The following GALNTL6 variants were observed in gnomAD, a reference collection of about 807,000 sequenced individuals.
GALNTL6 encodes polypeptide N-acetylgalactosaminyltransferase-like 6.
A neutral mutation model predicts 73.7 loss-of-function variants in GALNTL6; 46 were observed. The observed-to-expected ratio is 0.62, with a 90% confidence interval of 0.49 to 0.80. The LOEUF (loss-of-function observed/expected upper bound fraction) is 0.80, where lower values mean the gene tolerates loss of function less well. Ranked by LOEUF, GALNTL6 falls within the 30% of genes least tolerant of loss-of-function variation. The pLI, the probability that GALNTL6 is intolerant of heterozygous loss-of-function variation, is 0.00. For missense variants in GALNTL6, 604 were observed against 755.0 expected, an observed-to-expected ratio of 0.80 and a Z score of 2.34; for synonymous variants, 259 against 263.7, an observed-to-expected ratio of 0.98 and a Z score of 0.17.
intron 5 of GALNTL6, among the ~76,000 whole-genome samples, chr4:172,430,529 T>C (rs1486813314): frequency 6.6e-6 from 1 of 152,176 alleles, no homozygotes; most frequent in East Asian, 1.9e-4. Context: ...TTATAAGTTA[T>C]AATACATGAA....
chr4:172,773,543 A>C (rs1454043329), intron 5 of GALNTL6, among the ~76,000 whole-genome samples: 1 of 152,006 alleles, frequency 6.6e-6, no homozygotes, highest in Non-Finnish European at 1.5e-5. Flanking sequence ...TGGTACTGTG[A>C]CATTGTTTCT....
intron 4 of GALNTL6, among the ~76,000 whole-genome samples, chr4:172,333,545 G>T (rs1201866005): frequency 6.6e-6 from 1 of 152,112 alleles, no homozygotes; most frequent in Non-Finnish European, 1.5e-5. Flanking sequence ...TCTCCTGTTG[G>T]ATGAACAGTC....
At chr4:172,002,501 T>G (rs546411901) in intron 2 of GALNTL6, among the ~76,000 whole-genome samples, 1 of 152,278 alleles carries the variant, frequency 6.6e-6, no homozygotes, top group African/African-American at 2.4e-5. Flanking sequence ...CCACAAAGTC[T>G]ATGATATTTT....
At chr4:171,988,982 T>C (rs1273173728) in intron 2 of GALNTL6, among the ~76,000 whole-genome samples, 2 of 151,668 alleles carry the variant, frequency 1.3e-5, no homozygotes, top group Admixed American at 6.6e-5. Flanking sequence ...AAGCAGATAA[T>C]TTAGTTAAAG....
At chr4:172,321,247 G>A (rs1255590848) in intron 4 of GALNTL6, among the ~76,000 whole-genome samples, 1 of 152,106 alleles carries the variant, frequency 6.6e-6, no homozygotes, top group Non-Finnish European at 1.5e-5. Context: ...GTGGGGGTTG[G>A]GGGTTGGGGA....
At chr4:172,598,176 A>G (rs1737932450) in intron 5 of GALNTL6, among the ~76,000 whole-genome samples, 1 of 152,128 alleles carries the variant, frequency 6.6e-6, no homozygotes, top group South Asian at 2.1e-4. Flanking sequence ...TTTATTATAC[A>G]TAGGCCATCT....
At chr4:172,411,045 T>A (rs112039779) in intron 5 of GALNTL6, among the ~76,000 whole-genome samples, 34 of 152,206 alleles carry the variant, frequency 2.2e-4, no homozygotes, top group African/African-American at 3.9e-4. Flanking sequence ...GTAAAATAAT[T>A]TCTGATTAAA....
intron 5 of GALNTL6, among the ~76,000 whole-genome samples, chr4:172,607,247 A>G (rs1654534970): frequency 6.6e-6 from 1 of 152,136 alleles, no homozygotes; most frequent in African/African-American, 2.4e-5. Context: ...CACCCAGGTA[A>G]TAAGCACAGT....
At chr4:172,772,647 GT>G (rs1738840667) in intron 5 of GALNTL6, among the ~76,000 whole-genome samples, 1 of 151,882 alleles carries the variant, frequency 6.6e-6, no homozygotes, top group Non-Finnish European at 1.5e-5. Flanking sequence ...TCTCAAGATT[GT>G]TTTAACTGTT....
chr4:172,758,227 A>AT (rs1244405441), intron 5 of GALNTL6, among the ~76,000 whole-genome samples: 8 of 152,178 alleles, frequency 5.3e-5, no homozygotes, highest in African/African-American at 1.7e-4. Flanking sequence ...ATATTATACA[A>AT]TTTTTTGTAT....
intron 2 of GALNTL6, among the ~76,000 whole-genome samples, chr4:171,843,737 A>C (rs1735301336): frequency 6.6e-6 from 1 of 152,196 alleles, no homozygotes; most frequent in South Asian, 2.1e-4. Flanking sequence ...CTGCCAAAAA[A>C]AATTCCAAGC....
At chr4:172,156,543 A>ATATATATATATATATATATATATACATAC (rs1734279767) in intron 2 of GALNTL6, among the ~76,000 whole-genome samples, 2 of 19,344 alleles carry the variant, frequency 1.0e-4, no homozygotes, top group Admixed American at 9.6e-4. Context: ...TATATATAAT[A>ATATATATATATATATATATATATACATAC]TATATATATA....
chr4:172,385,773 T>C (rs1449764690), intron 5 of GALNTL6, among the ~76,000 whole-genome samples: 1 of 152,036 alleles, frequency 6.6e-6, no homozygotes, highest in African/African-American at 2.4e-5. Flanking sequence ...TAATTACTGG[T>C]AAGATAGAAT....
chr4:171,960,991 A>G (rs1579009342), intron 2 of GALNTL6, among the ~76,000 whole-genome samples: 1 of 151,436 alleles, frequency 6.6e-6, no homozygotes, highest in East Asian at 2.0e-4. Context: ...TACTCTGTGG[A>G]CTCTCCCCAG....
intron 5 of GALNTL6, among the ~76,000 whole-genome samples, chr4:172,350,105 A>T (rs1336554354): frequency 6.6e-6 from 1 of 152,148 alleles, no homozygotes; most frequent in East Asian, 1.9e-4. Context: ...TTGACTTCAA[A>T]AAGTGAAAAA....
intron 10 of GALNTL6, among the ~76,000 whole-genome samples, chr4:172,989,493 GT>G (rs1751448924): frequency 1.3e-5 from 2 of 152,158 alleles, no homozygotes; most frequent in African/African-American, 4.8e-5. Context: ...TTGGATTTGT[GT>G]CCCCACCCAA....
intron 2 of GALNTL6, among the ~76,000 whole-genome samples, chr4:172,171,021 G>A (rs1308947929): frequency 6.6e-6 from 1 of 152,110 alleles, no homozygotes; most frequent in Non-Finnish European, 1.5e-5. Context: ...CCTTGCCCCA[G>A]TTTATCTCTC....
intron 6 of GALNTL6, among the ~76,000 whole-genome samples, chr4:172,810,276 A>G (rs543385601): frequency 6.6e-6 from 1 of 152,340 alleles, no homozygotes; most frequent in Admixed American, 6.5e-5. Context: ...TAAGCTAGAA[A>G]ACATACATGT....
intron 3 of GALNTL6, among the ~76,000 whole-genome samples, chr4:172,293,984 G>A (rs981308076): frequency 6.6e-6 from 1 of 150,592 alleles, no homozygotes; most frequent in African/African-American, 2.4e-5. Flanking sequence ...ACTTACCTAC[G>A]GTCATTTTTT....
Sources: allele counts gnomAD v4.1 joint callset (sites outside exome capture counted in the v4.1 genomes callset), GRCh38; gene constraint gnomAD v4.1.1; transcripts MANE v1.5; gene names NCBI Gene and HGNC (gene_info 2026-07-23, HGNC 2026-07-21).